ANKRD28: variants seen among roughly 807,000 people sequenced by gnomAD.
ANKRD28 encodes ankyrin repeat domain 28, also known as serine/threonine-protein phosphatase 6 regulatory ankyrin repeat subunit A.
A neutral mutation model predicts 126.5 loss-of-function variants in ANKRD28; 44 were observed. The ratio of observed to expected loss-of-function variants is 0.35; its 90% CI spans 0.27 to 0.45. ANKRD28 has a LOEUF of 0.45. Among genes scored for constraint, ANKRD28 ranks in the 20% least tolerant of loss-of-function variants. The pLI is 1.00. For missense variants in ANKRD28, 1,110 were observed against 1,316.6 expected, an observed-to-expected ratio of 0.84 and a Z score of 2.43; for synonymous variants, 442 against 468.5, an observed-to-expected ratio of 0.94 and a Z score of 0.73.
rs4685262 is a variant in ANKRD28 at position 15,812,154 on chromosome 3, C to A, written c.28-16848G>T. 0.7 allele frequency among the ~76,000 whole-genome samples: 103,820 copies of A among 147,810 alleles called. 35,967 individuals are homozygous for A. Among genetic ancestry groups the A allele is most frequent in the East Asian group, 0.93 (4,774 of 5,136 alleles). On this transcript the variant is annotated intron_variant, in intron 1 of 27. Transcript: ENST00000399451. This position sits in a 1 kb window ranked among gnomAD's most constrained non-coding sequence, Gnocchi z 4.1. ...GGCAACAGAGTGAGACTCTGGCAAACAAAACAAAACAAAACAAAACGAAAC... is the reference window on the plus strand; with the variant it reads ...GGCAACAGAGTGAGACTCTGGCAAAAAAAACAAAACAAAACAAAACGAAAC...
chr3:15,847,861 T>C (rs1406103811), intron 1 of ANKRD28, among the ~76,000 whole-genome samples: 1 of 152,234 alleles, frequency 6.6e-6, no homozygotes, highest in Non-Finnish European at 1.5e-5. Flanking sequence ...CCTGCACCGA[T>C]TCCCTGCTTT....
At chr3:15,684,060 C>T (rs1256257066) in intron 21 of ANKRD28, 1 of 152,152 alleles carries the variant, frequency 6.6e-6, no homozygotes, top group Non-Finnish European at 1.5e-5. Context: ...CTTGAAGCTA[C>T]ACTGAAATTG....
rs1352211884 is a variant in ANKRD28 at position 15,795,089 on chromosome 3, T to G, written c.201+134A>C. The stretch of plus-strand genomic sequence containing the variant: ...TATGTCCAGTGTTTTCCCTTTTGCC[T>G]CAATACCTTCCTGCCCTCATTTAAA... On this transcript the variant is annotated intron_variant, in intron 2 of 27. Transcript: ENST00000683139. 3 of 651,926 alleles carry G rather than the reference T, an allele frequency of 4.6e-6. No homozygotes were observed. In the African/African-American group the frequency reaches 5.5e-5, roughly 12 times the overall value. 40.4% of individuals were successfully genotyped at this position (651,926 alleles called of 1,614,324 possible).
chr3:15,820,983 G>T lies in ANKRD28; in HGVS notation c.28-25677C>A, dbSNP rs562993882. ...TCTAGATCTGGTAAATCCACATCAG[G>T]GTTTCTCAATGTTGGCACTACCAAC... On this transcript the variant is annotated intron_variant, in intron 1 of 27. Transcript: ENST00000399451. Among the ~76,000 whole-genome samples, 4 of 152,072 alleles carry T rather than the reference G, an allele frequency of 2.6e-5. No individual in the cohort carries two copies. In the East Asian group the frequency reaches 7.7e-4, roughly 29 times the overall value.
At chr3:15,670,686 A>T (rs1410328323) in intron 27 of ANKRD28, 130 bp from the exon 28 acceptor site, 2 of 968,074 alleles carry the variant, frequency 2.1e-6, no homozygotes, top group African/African-American at 3.3e-5. Context: ...AATTGCTGTA[A>T]CCAGCATGAT....
At chr3:15,819,759 T>C (rs946053535) in intron 1 of ANKRD28, among the ~76,000 whole-genome samples, 2 of 152,202 alleles carry the variant, frequency 1.3e-5, no homozygotes, top group South Asian at 4.1e-4. Context: ...GTGAAACAGA[T>C]ACATTTTACT....
chr3:15,848,009 T>C (rs2061563026), intron 1 of ANKRD28, among the ~76,000 whole-genome samples: 1 of 152,194 alleles, frequency 6.6e-6, no homozygotes, highest in Non-Finnish European at 1.5e-5. Context: ...TGCAACCATA[T>C]TTACTTCTTG....
At chr3:15,684,088 C>T (rs1397884809) in intron 21 of ANKRD28, 1 of 152,234 alleles carries the variant, frequency 6.6e-6, no homozygotes, top group East Asian at 1.9e-4. Context: ...ATTTTAAAAA[C>T]CTCTAATTTC....
At chr3:15,825,303 A>C (rs373557716) in intron 1 of ANKRD28, among the ~76,000 whole-genome samples, 1 of 152,244 alleles carries the variant, frequency 6.6e-6, no homozygotes, top group African/African-American at 2.4e-5. Context: ...ATTAAGAAAC[A>C]TCTGCCTTTT....
At chr3:15,743,250 C>G (rs1030339657) in intron 4 of ANKRD28, among the ~76,000 whole-genome samples, 5 of 152,108 alleles carry the variant, frequency 3.3e-5, no homozygotes, top group African/African-American at 9.7e-5. Context: ...CCTAGGAAAA[C>G]CAGAGACCTT....
At chr3:15,734,149 T>C (rs1034996991) in intron 6 of ANKRD28, among the ~76,000 whole-genome samples, 1 of 152,222 alleles carries the variant, frequency 6.6e-6, no homozygotes, top group African/African-American at 2.4e-5. Context: ...ACATAGGGGT[T>C]CCCCATGGCT....
rs1281597058 is a variant in ANKRD28, at chr3:15,668,505, G to A, written c.*1765C>T. ...ATGGGGGATTAGATTTATAATTTCT[G>A]TAAATATTTTAGAAAAAATGCTTAA... is the stretch of plus-strand genomic sequence containing the variant. On this transcript the variant is annotated 3_prime_UTR_variant, in exon 28 of 28. Coordinates refer to ENST00000683139, the MANE Select transcript of ANKRD28 (RefSeq NM_001349278.2). 2 of 152,258 alleles carry A rather than the reference G, an allele frequency of 1.3e-5. No individual in the cohort carries two copies. The highest frequency in any genetic ancestry group is 1.3e-4 in the Admixed American group (2 of 15,246). The allele number at this position is 152,258 out of a possible 1,614,324, so 9.4% of individuals were successfully genotyped here. A position where few individuals can be genotyped will look rare whatever the true frequency, so the allele number is the denominator to read the frequency against.
intron 6 of ANKRD28, chr3:15,733,200 TA>T (rs1457037960): frequency 1.3e-5 from 2 of 152,164 alleles, no homozygotes; most frequent in Non-Finnish European, 2.9e-5. Context: ...TCTCCAGTAT[TA>T]CATGTTTGCT....
Position 15,814,350 on chromosome 3 carries a change from T to C in ANKRD28, c.28-19044A>G, listed in dbSNP as rs777226814. 8.8e-7 allele frequency: 1 copy of C among 1,138,060 alleles called. No individual in the cohort carries two copies. Among genetic ancestry groups the C allele is most frequent in the South Asian group, 1.4e-5 (1 of 70,940 alleles). The allele number at this position is 1,138,060 out of a possible 1,614,324, so 70.5% of individuals were successfully genotyped here. A position where few individuals can be genotyped will look rare whatever the true frequency, so the allele number is the denominator to read the frequency against. ...GATATCAAAAGAAAGAATACGCTGA[T>C]CCTAGAAATTAAGGGCTATGTTATT... On this transcript the variant is annotated intron_variant, in intron 1 of 27. Transcript: ENST00000399451. The surrounding 1 kb of genome is among the most constrained non-coding windows in gnomAD (Gnocchi z 4.7).
chr3:15,762,559 A>G (rs1433484317), intron 3 of ANKRD28, among the ~76,000 whole-genome samples: 1 of 152,176 alleles, frequency 6.6e-6, no homozygotes, highest in Non-Finnish European at 1.5e-5. Flanking sequence ...GATTGTGGAA[A>G]TAAATTATTT....
intron 3 of ANKRD28, among the ~76,000 whole-genome samples, chr3:15,759,065 G>A (rs1436302222): frequency 6.6e-6 from 1 of 152,122 alleles, no homozygotes; most frequent in African/African-American, 2.4e-5. Context: ...TACCTCAGTG[G>A]CCAGCAAATA....
chr3:15,736,232 T>C (rs67494152), intron 5 of ANKRD28, among the ~76,000 whole-genome samples: 20,898 of 152,230 alleles, frequency 0.14, 2,165 homozygotes, highest in East Asian at 0.58. Context: ...ATTAAAATTG[T>C]TCCATATTAT....
chr3:15,801,280 A>T (rs2060460110), upstream of ANKRD28, among the ~76,000 whole-genome samples: 1 of 152,196 alleles, frequency 6.6e-6, no homozygotes, highest in Non-Finnish European at 1.5e-5. The surrounding 1 kb of genome is among the most constrained non-coding windows in gnomAD (Gnocchi z 4.9). Context: ...ACATTAAGTC[A>T]CTGGAAGATA....
intron 2 of ANKRD28, among the ~76,000 whole-genome samples, chr3:15,768,483 C>CA (rs1330825104): frequency 1.3e-5 from 2 of 151,840 alleles, no homozygotes; most frequent in Admixed American, 1.3e-4. Flanking sequence ...CTCATCTCTA[C>CA]AAAAAAATAA....
Sources: allele counts gnomAD v4.1 joint callset (sites outside exome capture counted in the v4.1 genomes callset), GRCh38; gene constraint gnomAD v4.1.1; non-coding constraint Gnocchi (gnomAD v3.1); transcripts MANE v1.5; gene names NCBI Gene and HGNC (gene_info 2026-07-23, HGNC 2026-07-21).